Variants in NLRP12 observed in about 807,000 individuals in gnomAD.
NLRP12 encodes NACHT, LRR and PYD domains-containing protein 12.
Under a neutral mutation model 91.2 loss-of-function variants are expected in NLRP12, and 108 were observed. The observed-to-expected ratio is 1.18, with a 90% CI of 1.01 to 1.39. The LOEUF is 1.39. Among genes scored for constraint, NLRP12 ranks in the 40% most tolerant of loss-of-function variants. The pLI, the probability that NLRP12 is intolerant of heterozygous loss-of-function variation, is 0.00. For missense variants in NLRP12, 1,530 were observed against 1,352.7 expected, an observed-to-expected ratio of 1.13 and a Z score of -2.06; for synonymous variants, 613 against 566.7, an observed-to-expected ratio of 1.08 and a Z score of -1.16.
chr19:53,797,887 T>G (rs2091796035), intron 8 of NLRP12, among the ~76,000 whole-genome samples: 1 of 151,772 alleles, frequency 6.6e-6, no homozygotes, highest in Non-Finnish European at 1.5e-5. Context: ...TACAGGCATG[T>G]GCCACCAGGC....
At chr19:53,815,547 G>A (rs1052574869) in intron 1 of NLRP12, among the ~76,000 whole-genome samples, 6 of 150,370 alleles carry the variant, frequency 4.0e-5, no homozygotes, top group Non-Finnish European at 8.9e-5. Context: ...TTTTTGACTG[G>A]GAAGTTCTGA....
chr19:53,813,299 CTTTT>C (rs1160039078), intron 2 of NLRP12, among the ~76,000 whole-genome samples: 6 of 86,002 alleles, frequency 7.0e-5, no homozygotes, highest in East Asian at 3.6e-4. Context: ...TTTTTCTTTT[CTTTT>C]TTTTTTTTTT....
chr19:53,806,169 G>A (rs1194570976), intron 4 of NLRP12, among the ~76,000 whole-genome samples: 1 of 151,982 alleles, frequency 6.6e-6, no homozygotes, highest in Non-Finnish European at 1.5e-5. Flanking sequence ...AGGAGGCGGA[G>A]GTTGCAGTGA....
At position 53,810,918 on chromosome 19, in the gene NLRP12, G is replaced by A; in HGVS notation, c.741C>T (p.Leu247=). 1.2e-6 allele frequency: 2 copies of A among 1,614,172 alleles called. No homozygotes were observed. Among genetic ancestry groups the A allele is most frequent in the Non-Finnish European group, 1.7e-6 (2 of 1,180,034 alleles). ...GKLFQGRFDY[L]FYINCREMNQ... ...TCATCTCCCTGCAGTTGATGTAGAA[G>A]AGATAATCAAATCTGCCTTGGAAGA... is the stretch of plus-strand genomic sequence containing the variant. Residue 247 remains leucine, a synonymous_variant, in exon 3 of 10, where the codon CTC becomes CTT. Transcript: ENST00000324134.
intron 1 of NLRP12, among the ~76,000 whole-genome samples, chr19:53,820,688 A>AT (rs201450796): frequency 0.032 from 3,214 of 100,080 alleles, 106 homozygotes; most frequent in African/African-American, 0.1. Context: ...TAAAAAATAA[A>AT]TTATTTTTTT....
At position 53,824,272 on chromosome 19, in the gene NLRP12, C is replaced by T; in HGVS notation, c.-98G>A. On this transcript the variant is annotated 5_prime_UTR_variant, in exon 1 of 10. Coordinates refer to ENST00000324134, the MANE Select transcript of NLRP12 (RefSeq NM_144687.4). Reference sequence around the variant, plus strand: ...CCAGCACACCTTCCATTGCATCATTCACAGGCAGCGGGCGGAGAGGCTGAG... The same window carrying T: ...CCAGCACACCTTCCATTGCATCATTTACAGGCAGCGGGCGGAGAGGCTGAG... 8 of 1,280,114 alleles carry T rather than the reference C, an allele frequency of 6.2e-6. No individual in the cohort carries two copies. Among genetic ancestry groups the T allele is most frequent in the Non-Finnish European group, 8.9e-6 (8 of 898,988 alleles). The allele number at this position is 1,280,114 out of a possible 1,614,324, so 79.3% of individuals were successfully genotyped here. A position where few individuals can be genotyped will look rare whatever the true frequency, so the allele number is the denominator to read the frequency against.
intron 6 of NLRP12, among the ~76,000 whole-genome samples, chr19:53,802,594 C>G (rs1255719565): frequency 6.6e-6 from 1 of 151,676 alleles, no homozygotes; most frequent in Non-Finnish European, 1.5e-5. Flanking sequence ...GTAGTCCCAG[C>G]TACTAGGGAG....
intron 3 of NLRP12, 57 bp downstream of exon 3, chr19:53,809,530 A>T: frequency 2.2e-6 from 3 of 1,363,176 alleles, no homozygotes; most frequent in Non-Finnish European, 3.0e-6. Context: ...AAAAAAAAAA[A>T]AAAAAAAAAA....
At chr19:53,801,745 G>A (rs554588941) in intron 6 of NLRP12, among the ~76,000 whole-genome samples, 29 of 151,922 alleles carry the variant, frequency 1.9e-4, no homozygotes, top group East Asian at 7.9e-4. Flanking sequence ...GTGAGCCACT[G>A]CGCCTAGGCC....
rs56027837 is a variant in NLRP12 at position 53,795,107 on chromosome 19, CGTGTGTGTGTGTGT to C, written c.3098+738_3098+751del. 2.7e-4 allele frequency among the ~76,000 whole-genome samples: 23 copies of C among 85,494 alleles called. No individual in the cohort carries two copies. In the East Asian group the frequency reaches 5.4e-3, roughly 20 times the overall value. The allele number at this position is 85,494 out of a possible 152,430, so 56.1% of individuals were successfully genotyped here. ...TGTGTGCCACCATACCTGGTGTGTGCGTGTGTGTGTGTGTGTGTGTGTGTGTGTGTAAAGAAAGC... is the reference window on the plus strand; with the variant it reads ...TGTGTGCCACCATACCTGGTGTGTGCGTGTGTGTGTGTGTGTAAAGAAAGC... On this transcript the variant is annotated intron_variant, in intron 9 of 9. Transcript: ENST00000324134.
chr19:53,821,484 T>C (rs1321910100), intron 1 of NLRP12, among the ~76,000 whole-genome samples: 1 of 151,940 alleles, frequency 6.6e-6, no homozygotes, highest in Non-Finnish European at 1.5e-5. Flanking sequence ...CTGGCTAACA[T>C]AGGGAAACCC....
rs2092061160 is a variant in NLRP12, at chr19:53,810,895, A to C, written c.764T>G (p.Met255Arg). Residue 255 changes from methionine to arginine, a missense_variant, in exon 3 of 10, where the codon ATG becomes AGG. Transcript: ENST00000324134. ...GCTGCATTCCGTGGCACTCTGGTTC[A>C]TCTCCCTGCAGTTGATGTAGAAGAG... ...DYLFYINCRE[M>R]NQSATECSMQ... 2 of 1,614,130 alleles carry C rather than the reference A, an allele frequency of 1.2e-6. No homozygotes were observed. The highest frequency in any genetic ancestry group is 1.7e-6 in the Non-Finnish European group (2 of 1,180,018).
chr19:53,798,166 T>C (rs890460709), intron 8 of NLRP12, 77 bp downstream of exon 8: 14 of 1,469,632 alleles, frequency 9.5e-6, no homozygotes, highest in African/African-American at 1.4e-5. Flanking sequence ...AGTTCATAAA[T>C]AGAAAAATGA....
chr19:53,816,408 A>C (rs2092160347), intron 1 of NLRP12, among the ~76,000 whole-genome samples: 1 of 148,166 alleles, frequency 6.7e-6, no homozygotes, highest in Non-Finnish European at 1.5e-5. Flanking sequence ...GCTTCATGTG[A>C]CCCTCTTGGC....
At chr19:53,807,072 CT>C (rs377101753) in intron 4 of NLRP12, among the ~76,000 whole-genome samples, 2 of 151,014 alleles carry the variant, frequency 1.3e-5, no homozygotes, top group South Asian at 2.1e-4. Flanking sequence ...GTCTTTGGCA[CT>C]TTTTTCCCCC....
In NLRP12 at chr19:53,804,024, G is replaced by C. The variant is rs2091915290; in HGVS notation, c.2513C>G (p.Ala838Gly). ...HLVELDLTGNALEDLGLRLLC... is the reference protein window; with the variant it reads ...HLVELDLTGNGLEDLGLRLLC... Reference sequence around the variant, plus strand: ...TAACCTCAGGCCCAAATCCTCCAGTGCATTTCCTGTCAGGTCCAACTCAAC... The same window carrying C: ...TAACCTCAGGCCCAAATCCTCCAGTCCATTTCCTGTCAGGTCCAACTCAAC... Residue 838 changes from alanine (A) to glycine (G), a missense_variant, in exon 6 of 10, where the codon GCA becomes GGA. Transcript: ENST00000324134. The C allele has an allele frequency of 6.2e-7, 1 of 1,614,092 alleles. No homozygotes were observed. Among genetic ancestry groups the C allele is most frequent in the Middle Eastern group, 1.6e-4 (1 of 6,062 alleles).
At position 53,814,995 on chromosome 19, in the gene NLRP12, G is replaced by C. The variant is rs1261462699; in HGVS notation, c.290-7C>G. 6.2e-7 allele frequency: 1 copy of C among 1,610,498 alleles called. No individual in the cohort carries two copies. Among genetic ancestry groups the C allele is most frequent in the Non-Finnish European group, 8.5e-7 (1 of 1,176,792 alleles). ...GGGCCACCAGGTGGGGTATCTGGAA[G>C]AGAAATTGTGGAAGATGAGCTAGCA... On this transcript the variant is annotated splice_polypyrimidine_tract_variant and splice_region_variant and intron_variant, in intron 1 of 9. Coordinates refer to ENST00000324134, the MANE Select transcript of NLRP12 (RefSeq NM_144687.4).
In NLRP12 at chr19:53,819,410, AATATATATATATAT is replaced by A. The variant is rs754512228; in HGVS notation, c.290-4436_290-4423del. ...CAGGCGTGTGCCACTACGCCTGGCT[AATATATATATATAT>A]ATATATATATATATATATATATATA... On this transcript the variant is annotated intron_variant, in intron 1 of 9. Transcript: ENST00000324134. 2.7e-3 allele frequency among the ~76,000 whole-genome samples: 64 copies of A among 23,670 alleles called. 7 individuals are homozygous for A. The highest frequency in any genetic ancestry group is 8.2e-3 in the African/African-American group (46 of 5,590). 15.5% of individuals were successfully genotyped at this position (23,670 alleles called of 152,430 possible). A position where few individuals can be genotyped will look rare whatever the true frequency, so the allele number is the denominator to read the frequency against.
intron 7 of NLRP12, among the ~76,000 whole-genome samples, chr19:53,800,228 C>T (rs1028460925): frequency 1.3e-5 from 2 of 152,024 alleles, no homozygotes; most frequent in Admixed American, 6.6e-5. Flanking sequence ...TGGTGTGAAC[C>T]CGGGAGGTGG....
Sources: gnomAD v4.1 joint callset for allele counts (sites outside exome capture counted in the v4.1 genomes callset) on GRCh38, gnomAD v4.1.1 for gene constraint, MANE v1.5 for transcripts, NCBI Gene and HGNC (gene_info 2026-07-23, HGNC 2026-07-21) for gene names.